The following PGPEP1L variants were observed in gnomAD, a reference collection of about 807,000 sequenced individuals.
PGPEP1L encodes pyroglutamyl-peptidase 1-like protein.
Under a neutral mutation model 6.0 loss-of-function variants are expected in PGPEP1L, and 7 were observed. The observed-to-expected ratio is 1.17, with a 90% CI of 0.66 to 2.19. PGPEP1L has a LOEUF of 2.19. Among genes scored for constraint, PGPEP1L ranks in the 30% most tolerant of loss-of-function variants. PGPEP1L has a pLI of 0.00. For missense variants in PGPEP1L, 209 were observed against 192.5 expected (o/e 1.09, Z -0.51); for synonymous variants, 103 against 83.9 (o/e 1.23, Z -1.24).
chr15:98,984,674 C>T (rs1035626208), intron 2 of PGPEP1L, among the ~76,000 whole-genome samples: 2 of 152,048 alleles, frequency 1.3e-5, no homozygotes, highest in Non-Finnish European at 2.9e-5. Context: ...GTGGGTACTA[C>T]GAATGAGGTC....
intron 2 of PGPEP1L, among the ~76,000 whole-genome samples, chr15:98,985,162 A>G (rs753230230): frequency 6.6e-6 from 1 of 152,204 alleles, no homozygotes; most frequent in African/African-American, 2.4e-5. Flanking sequence ...AGATGGATAT[A>G]GGGCTGAGGC....
At chr15:98,971,187 C>G in intron 2 of PGPEP1L, 29 bp from the exon 3 acceptor site, 2 of 1,162,948 alleles carry the variant, frequency 1.7e-6, no homozygotes, top group South Asian at 1.5e-5. Context: ...GGACTTGCCT[C>G]AGTTGATGGG....
intron 2 of PGPEP1L, among the ~76,000 whole-genome samples, chr15:98,983,730 T>A (rs987815360): frequency 6.6e-6 from 1 of 152,202 alleles, no homozygotes. Context: ...TGGCACATAC[T>A]GCAAACAGCA....
intron 2 of PGPEP1L, among the ~76,000 whole-genome samples, chr15:99,004,975 C>T (rs1201727412): frequency 6.6e-6 from 1 of 151,848 alleles, no homozygotes; most frequent in African/African-American, 2.4e-5. Context: ...TGTTCCTTTG[C>T]GGGTGGCTGT....
chr15:98,980,704 G>C (rs1203752589), intron 2 of PGPEP1L, among the ~76,000 whole-genome samples: 6 of 152,148 alleles, frequency 3.9e-5, no homozygotes, highest in Non-Finnish European at 7.4e-5. Context: ...GGCCGAGGTG[G>C]ACGGATCACC....
intron 2 of PGPEP1L, among the ~76,000 whole-genome samples, chr15:98,974,444 C>T (rs921406872): frequency 3.3e-5 from 5 of 151,816 alleles, no homozygotes; most frequent in Non-Finnish European, 7.4e-5. Flanking sequence ...GATTTAACCA[C>T]GAAGAAATAA....
chr15:98,972,375 T>TA (rs1466970143), intron 2 of PGPEP1L, among the ~76,000 whole-genome samples: 1 of 148,984 alleles, frequency 6.7e-6, no homozygotes, highest in Non-Finnish European at 1.5e-5. Flanking sequence ...AATAAATAAA[T>TA]AAATAAATAA....
At chr15:98,985,883 C>T (rs1203050960) in intron 2 of PGPEP1L, among the ~76,000 whole-genome samples, 2 of 152,254 alleles carry the variant, frequency 1.3e-5, no homozygotes, top group African/African-American at 4.8e-5. Flanking sequence ...TTCATTGCTG[C>T]TTCCACCAGG....
chr15:98,994,331 T>C (rs1424509776), intron 2 of PGPEP1L, among the ~76,000 whole-genome samples: 2 of 151,880 alleles, frequency 1.3e-5, no homozygotes, highest in Non-Finnish European at 2.9e-5. Flanking sequence ...TGTCTTACAT[T>C]TTAGTTCAGT....
At chr15:98,986,106 C>T (rs1374894637) in intron 2 of PGPEP1L, among the ~76,000 whole-genome samples, 1 of 152,160 alleles carries the variant, frequency 6.6e-6, no homozygotes, top group African/African-American at 2.4e-5. Context: ...AAACAGGAAC[C>T]CCTATAGGGA....
In PGPEP1L at chr15:99,003,150, G is replaced by T. The variant is rs552415633; in HGVS notation, c.-142+2279C>A. Among the ~76,000 whole-genome samples, 11 of 146,884 alleles carry T rather than the reference G, an allele frequency of 7.5e-5. 1 individual carries two copies. Among genetic ancestry groups the T allele is most frequent in the African/African-American group, 2.6e-4 (10 of 38,342 alleles). ...CTTCAGAATAAATAAGACTTTAGCT[G>T]CCCTTGGAAACAGCCAGAAAAAAAA... On this transcript the variant is annotated intron_variant, in intron 2 of 4. Transcript: ENST00000535714.
chr15:98,968,575 A>AC lies in PGPEP1L; in HGVS notation c.331dup (p.Val111GlyfsTer40), dbSNP rs5814919. The AC allele has an allele frequency of 0.51, 824,327 of 1,610,874 alleles. 216,214 individuals carry two copies. Among genetic ancestry groups the AC allele is most frequent in the South Asian group, 0.63 (57,119 of 90,380 alleles). ...CTCTTCCAGCATTTCCTGGATGATG[A>AC]CTCTCAAGGCTCTTCCCAGCAGGCT... On this transcript the variant is annotated frameshift_variant, in exon 5 of 5. Transcript: ENST00000535714. LOFTEE classifies it low-confidence loss of function (END_TRUNC).
At position 98,968,381 on chromosome 15, in the gene PGPEP1L, T is replaced by A. The variant is rs1596507591; in HGVS notation, c.*97A>T. The A allele has an allele frequency of 8.0e-7, 1 of 1,252,642 alleles. No homozygotes were observed. Among genetic ancestry groups the A allele is most frequent in the South Asian group, 1.4e-5 (1 of 71,440 alleles). 77.6% of individuals were successfully genotyped at this position (1,252,642 alleles called of 1,614,324 possible). ...AATTCAGAGTTTTCCACCCTCTTTG[T>A]CTTACAAGCAATTTTTGAAAAAGTT... On this transcript the variant is annotated 3_prime_UTR_variant, in exon 5 of 5. Coordinates refer to ENST00000535714, the MANE Select transcript of PGPEP1L (RefSeq NM_001167902.2).
At chr15:99,000,277 C>T (rs1339966295) in intron 2 of PGPEP1L, among the ~76,000 whole-genome samples, 1 of 152,198 alleles carries the variant, frequency 6.6e-6, no homozygotes, top group Non-Finnish European at 1.5e-5. Context: ...CCCGCCATGC[C>T]GGAGCTCCCC....
intron 2 of PGPEP1L, among the ~76,000 whole-genome samples, chr15:98,979,115 G>A (rs1332295859): frequency 6.6e-6 from 1 of 152,022 alleles, no homozygotes; most frequent in Non-Finnish European, 1.5e-5. Context: ...TCTGGATTCT[G>A]TGAAACAAGA....
At chr15:98,981,546 C>A (rs1030201413) in intron 2 of PGPEP1L, among the ~76,000 whole-genome samples, 1 of 151,042 alleles carries the variant, frequency 6.6e-6, no homozygotes, top group African/African-American at 2.4e-5. Flanking sequence ...CTAGGTAAGT[C>A]TGAGAAATGG....
chr15:98,973,371 C>T (rs146572302), intron 2 of PGPEP1L, among the ~76,000 whole-genome samples: 68 of 152,316 alleles, frequency 4.5e-4, no homozygotes, highest in African/African-American at 1.5e-3. Flanking sequence ...AAGGAACAGA[C>T]GTTTACAGAA....
intron 2 of PGPEP1L, among the ~76,000 whole-genome samples, chr15:98,980,729 T>TA (rs2017646304): frequency 6.6e-6 from 1 of 151,716 alleles, no homozygotes; most frequent in Non-Finnish European, 1.5e-5. Flanking sequence ...GTCAGGAGTT[T>TA]GAGACCAGCC....
chr15:98,971,317 G>T (rs1382910440), intron 2 of PGPEP1L, among the ~76,000 whole-genome samples, 159 bp from the exon 3 acceptor site: 1 of 151,674 alleles, frequency 6.6e-6, no homozygotes, highest in African/African-American at 2.4e-5. Context: ...AAGGGGCCAA[G>T]AAGAGAGCCA....
Sources: allele counts gnomAD v4.1 joint callset (sites outside exome capture counted in the v4.1 genomes callset), GRCh38; gene constraint gnomAD v4.1.1; transcripts MANE v1.5; gene names NCBI Gene and HGNC (gene_info 2026-07-23, HGNC 2026-07-21).